The following FANCC variants were observed in gnomAD, a reference collection of about 807,000 sequenced individuals.
FANCC encodes the protein Fanconi anemia group C protein.
FANCC carries 55 observed loss-of-function variants against 71.3 expected under a neutral mutation model. The ratio of observed to expected loss-of-function variants is 0.77; its 90% confidence interval spans 0.62 to 0.97. FANCC has a LOEUF of 0.97. Among genes scored for constraint, FANCC ranks in the 50% least tolerant of loss-of-function variants. The pLI is 0.00. For missense variants in FANCC, 678 were observed against 670.9 expected (o/e 1.01, Z -0.12); for synonymous variants, 275 against 244.9 (o/e 1.12, Z -1.15).
intron 4 of FANCC, among the ~76,000 whole-genome samples, chr9:95,207,792 A>G (rs1465215662): frequency 6.6e-6 from 1 of 152,214 alleles, no homozygotes; most frequent in African/African-American, 2.4e-5. Context: ...GGAGCCATAA[A>G]GCAGTTTGTT....
intron 4 of FANCC, among the ~76,000 whole-genome samples, chr9:95,218,117 A>C (rs1195822093): frequency 6.6e-6 from 1 of 152,192 alleles, no homozygotes; most frequent in Non-Finnish European, 1.5e-5. Context: ...CCCCAAAGAA[A>C]ATCTGAGGAC....
At chr9:95,280,627 A>T (rs78870851) in intron 1 of FANCC, among the ~76,000 whole-genome samples, 2,194 of 152,342 alleles carry the variant, frequency 0.014, 64 homozygotes, top group African/African-American at 0.047. Context: ...AAGGAAATTC[A>T]CAAATGTGGA....
intron 1 of FANCC, among the ~76,000 whole-genome samples, chr9:95,299,609 C>G (rs1300875595): frequency 6.6e-6 from 1 of 152,166 alleles, no homozygotes; most frequent in Non-Finnish European, 1.5e-5. Flanking sequence ...ACCTGTAATT[C>G]CAGCACTTTG....
chr9:95,187,454 G>A (rs1266170745), intron 4 of FANCC, among the ~76,000 whole-genome samples: 1 of 152,220 alleles, frequency 6.6e-6, no homozygotes, highest in African/African-American at 2.4e-5. Context: ...TGTATGCAGA[G>A]GCCCAGGAGG....
chr9:95,189,378 C>T (rs887837128), intron 4 of FANCC, among the ~76,000 whole-genome samples: 2 of 152,154 alleles, frequency 1.3e-5, no homozygotes, highest in African/African-American at 4.8e-5. Flanking sequence ...CACAGACCCT[C>T]CCAGCGCCCG....
At chr9:95,285,237 T>C (rs1053040749) in intron 1 of FANCC, among the ~76,000 whole-genome samples, 3 of 151,928 alleles carry the variant, frequency 2.0e-5, no homozygotes, top group African/African-American at 7.2e-5. Context: ...GGAATAAATC[T>C]CACCCAACAG....
At chr9:95,271,878 TTCCAAAGTATGGC>T (rs1363317829) in intron 1 of FANCC, among the ~76,000 whole-genome samples, 2 of 147,994 alleles carry the variant, frequency 1.4e-5, no homozygotes, top group East Asian at 2.0e-4. Context: ...ACCAACCACC[TTCCAAAGTATGGC>T]TCCTTCCCTC....
At chr9:95,181,984 G>C (rs925994758) in intron 4 of FANCC, among the ~76,000 whole-genome samples, 2 of 152,204 alleles carry the variant, frequency 1.3e-5, no homozygotes, top group Admixed American at 6.5e-5. Context: ...TCGCAGGCAG[G>C]TTAGGAAAGC....
At chr9:95,241,247 C>T (rs1264666537) in intron 3 of FANCC, among the ~76,000 whole-genome samples, 1 of 152,104 alleles carries the variant, frequency 6.6e-6, no homozygotes, top group Non-Finnish European at 1.5e-5. Context: ...AAAATAGCTC[C>T]ACTTGTTAAA....
At chr9:95,109,791 A>G (rs896588836) in intron 13 of FANCC, 1 of 152,264 alleles carries the variant, frequency 6.6e-6, no homozygotes, top group Non-Finnish European at 1.5e-5. Context: ...AGATACTGCT[A>G]ATTTCAATTC....
chr9:95,259,763 G>A (rs973042380), intron 1 of FANCC, among the ~76,000 whole-genome samples: 2 of 152,106 alleles, frequency 1.3e-5, no homozygotes, highest in African/African-American at 4.8e-5. Context: ...GCAACCTACA[G>A]AATGGGAGAA....
chr9:95,122,465 G>T (rs1212564788), intron 10 of FANCC, among the ~76,000 whole-genome samples: 3 of 152,152 alleles, frequency 2.0e-5, no homozygotes, highest in African/African-American at 7.2e-5. Context: ...ACCTATGCAG[G>T]CATTGGCAAA....
intron 4 of FANCC, among the ~76,000 whole-genome samples, chr9:95,237,727 T>C (rs1830406191): frequency 6.6e-6 from 1 of 152,200 alleles, no homozygotes; most frequent in African/African-American, 2.4e-5. Context: ...AAAATCTAAA[T>C]ACAGATCAAG....
chr9:95,119,392 A>C (rs1454233370), intron 10 of FANCC, among the ~76,000 whole-genome samples: 1 of 142,816 alleles, frequency 7.0e-6, no homozygotes, highest in Non-Finnish European at 1.5e-5. Context: ...ATTGAGATGG[A>C]GTCTTGCTCT....
At chr9:95,168,400 T>C (rs568384421) in intron 6 of FANCC, among the ~76,000 whole-genome samples, 78 of 152,362 alleles carry the variant, frequency 5.1e-4, no homozygotes, top group African/African-American at 1.8e-3. Context: ...TTGTTCTCCA[T>C]GGCCCCAAGG....
chr9:95,224,557 C>A (rs1175133592), intron 4 of FANCC, among the ~76,000 whole-genome samples: 2 of 151,772 alleles, frequency 1.3e-5, no homozygotes, highest in African/African-American at 4.8e-5. Flanking sequence ...TGTTGTGCAA[C>A]AGATCTCCTG....
At chr9:95,109,191 C>T (rs1196786267) in intron 13 of FANCC, among the ~76,000 whole-genome samples, 6 of 152,198 alleles carry the variant, frequency 3.9e-5, no homozygotes, top group African/African-American at 9.7e-5. Flanking sequence ...AGATTACAGG[C>T]ATGAACCACC....
intron 4 of FANCC, among the ~76,000 whole-genome samples, chr9:95,229,399 G>T (rs1346748822): frequency 6.6e-6 from 1 of 152,082 alleles, no homozygotes; most frequent in Admixed American, 6.6e-5. Context: ...CGTGGATGGG[G>T]GTAGAAGCAG....
At chr9:95,244,713 ACC>A (rs1272065347) in intron 3 of FANCC, among the ~76,000 whole-genome samples, 3 of 133,746 alleles carry the variant, frequency 2.2e-5, no homozygotes, top group African/African-American at 8.7e-5. Context: ...AAAAAAAAAA[ACC>A]CAACACTTGG....
Sources: gnomAD v4.1 joint callset for allele counts (sites outside exome capture counted in the v4.1 genomes callset) on GRCh38, gnomAD v4.1.1 for gene constraint, MANE v1.5 for transcripts, NCBI Gene and HGNC (gene_info 2026-07-23, HGNC 2026-07-21) for gene names.